EFHB: variants seen among roughly 807,000 people sequenced by gnomAD.
The protein encoded by EFHB is EF-hand domain family member B, also known as EF-hand domain-containing family member B.
Under a neutral mutation model 87.2 loss-of-function variants are expected in EFHB, and 91 were observed. The observed-to-expected ratio is 1.04, with a 90% CI of 0.88 to 1.24. The LOEUF (loss-of-function observed/expected upper bound fraction) is 1.24, where lower values mean the gene tolerates loss of function less well. EFHB is among the 50% of genes most tolerant of loss of function. The pLI is 0.00. For missense variants in EFHB, 1,084 were observed against 998.8 expected (o/e 1.09, Z -1.15); for synonymous variants, 325 against 333.6 (o/e 0.97, Z 0.28).
chr3:19,880,504 G>A (rs192775050), intron 12 of EFHB, among the ~76,000 whole-genome samples: 6 of 151,962 alleles, frequency 3.9e-5, no homozygotes, highest in Admixed American at 6.6e-5. Flanking sequence ...CACCCATCTC[G>A]GCCTCCCAAA....
rs116499029 is a variant in EFHB, at chr3:19,906,328, C to G, written c.1289-579G>C. On this transcript the variant is annotated intron_variant, in intron 5 of 12. Coordinates refer to ENST00000295824, the MANE Select transcript of EFHB (RefSeq NM_144715.4). Reference sequence around the variant, plus strand: ...TGGGCAACAGAGTGAGGCTCTTTCTCAAAAAACAAAAGAACTAATAAGTGA... The same window carrying G: ...TGGGCAACAGAGTGAGGCTCTTTCTGAAAAAACAAAAGAACTAATAAGTGA... Among the ~76,000 whole-genome samples the G allele has an allele frequency of 9.8e-3, 1,484 of 151,946 alleles. 28 individuals are homozygous for G. Among genetic ancestry groups the G allele is most frequent in the African/African-American group, 0.034 (1,399 of 41,448 alleles).
chr3:19,926,337 GT>G (rs58986216), intron 1 of EFHB, among the ~76,000 whole-genome samples: 92,020 of 151,816 alleles, frequency 0.61, 28,245 homozygotes, highest in Non-Finnish European at 0.65. Flanking sequence ...TTTTTTTGGG[GT>G]TTTTTTTGTT....
chr3:19,905,310 T>C (rs543282882), intron 6 of EFHB, among the ~76,000 whole-genome samples: 31 of 152,156 alleles, frequency 2.0e-4, no homozygotes, highest in Non-Finnish European at 3.1e-4. Flanking sequence ...GTTTTGAAAG[T>C]CCATTATATT....
chr3:19,888,781 A>T, intron 9 of EFHB, 130 bp from the exon 10 acceptor site: 1 of 771,404 alleles, frequency 1.3e-6, no homozygotes, highest in Non-Finnish European at 2.0e-6. Context: ...ATTTTCACAG[A>T]AGAGGAGTCA....
chr3:19,901,691 G>A (rs1694676953), intron 6 of EFHB, among the ~76,000 whole-genome samples: 1 of 152,110 alleles, frequency 6.6e-6, no homozygotes, highest in African/African-American at 2.4e-5. Flanking sequence ...GCTCACACCT[G>A]TAATCCCAGC....
chr3:19,923,470 C>G (rs1695509718), intron 1 of EFHB, among the ~76,000 whole-genome samples: 1 of 152,128 alleles, frequency 6.6e-6, no homozygotes, highest in Non-Finnish European at 1.5e-5. Flanking sequence ...TCACTGCAAC[C>G]TCTACCATCC....
Position 19,879,730 on chromosome 3 carries a change from T to A in EFHB, c.2403A>T (p.Ser801=). The A allele has an allele frequency of 1.2e-6, 2 of 1,611,044 alleles. No individual in the cohort carries two copies. The highest frequency in any genetic ancestry group is 1.7e-6 in the Non-Finnish European group (2 of 1,179,214). ...EEFENVWNLA[S]KKHHRGEVCV... ...AAACTTCTCCTCTGTGATGCTTTTT[T>A]GATGCAAGATTCCATACATTTTCAA... The change falls in exon 13 of 13, where the codon TCA becomes TCT. Residue 801 remains serine, a synonymous_variant. Coordinates refer to ENST00000295824, the MANE Select transcript of EFHB (RefSeq NM_144715.4).
intron 1 of EFHB, among the ~76,000 whole-genome samples, chr3:19,927,805 C>T (rs1695682057): frequency 6.6e-6 from 1 of 152,086 alleles, no homozygotes; most frequent in Non-Finnish European, 1.5e-5. Context: ...GCATCAAATA[C>T]TTTACCATCC....
At chr3:19,916,149 GT>G (rs1695223049) in intron 4 of EFHB, among the ~76,000 whole-genome samples, 1 of 152,310 alleles carries the variant, frequency 6.6e-6, no homozygotes, top group African/African-American at 2.4e-5. Flanking sequence ...CTAATGCCCT[GT>G]GGGGTAGCCA....
chr3:19,942,435 G>C (rs535911074), intron 1 of EFHB: 4 of 152,438 alleles, frequency 2.6e-5, no homozygotes, highest in South Asian at 2.1e-4. Flanking sequence ...TAACAGAGCA[G>C]CTGTCCCCAA....
At chr3:19,900,150 A>G (rs1427992758) in intron 6 of EFHB, among the ~76,000 whole-genome samples, 1 of 152,190 alleles carries the variant, frequency 6.6e-6, no homozygotes, top group Non-Finnish European at 1.5e-5. Flanking sequence ...ACAGTGGTTC[A>G]TGCCTGTAAT....
intron 11 of EFHB, among the ~76,000 whole-genome samples, chr3:19,882,969 C>T (rs2071718769): frequency 6.6e-6 from 1 of 151,640 alleles, no homozygotes; most frequent in Non-Finnish European, 1.5e-5. Context: ...ATTAATTTCA[C>T]CTGTTTCTTT....
chr3:19,939,115 C>T (rs1696089124), upstream of EFHB, among the ~76,000 whole-genome samples: 1 of 152,026 alleles, frequency 6.6e-6, no homozygotes, highest in South Asian at 2.1e-4. Context: ...CCATGTTGGT[C>T]AGGCTGGTCT....
Position 19,934,028 on chromosome 3 carries a change from C to G in EFHB, c.-10G>C, listed in dbSNP as rs1695934753. 1.3e-6 allele frequency: 2 copies of G among 1,581,302 alleles called. No individual in the cohort carries two copies. Among genetic ancestry groups the G allele is most frequent in the Non-Finnish European group, 1.7e-6 (2 of 1,163,024 alleles). ...CAATCTCCATGTTCATGGACGATTT[C>G]TCCCCATTCTCATTTCTCCAAGAGC... On this transcript the variant is annotated 5_prime_UTR_variant, in exon 1 of 13. Coordinates refer to ENST00000295824, the MANE Select transcript of EFHB (RefSeq NM_144715.4).
At chr3:19,922,006 A>T (rs1695453889) in intron 1 of EFHB, among the ~76,000 whole-genome samples, 1 of 152,078 alleles carries the variant, frequency 6.6e-6, no homozygotes, top group Admixed American at 6.6e-5. Flanking sequence ...CCCTTCTAAA[A>T]ATACAAAAAT....
chr3:19,896,619 T>G, intron 9 of EFHB, 68 bp downstream of exon 9: 8 of 1,556,482 alleles, frequency 5.1e-6, no homozygotes, highest in Non-Finnish European at 6.1e-6. Context: ...TGCTGACCCC[T>G]GATCTACACC....
At chr3:19,936,905 AAATAAAT>A (rs1280318432), upstream of EFHB, among the ~76,000 whole-genome samples, 3 of 150,550 alleles carry the variant, frequency 2.0e-5, no homozygotes, top group Non-Finnish European at 3.0e-5. Context: ...ATAAATAAAT[AAATAAAT>A]AAAAAGTGAG....
At chr3:19,918,036 T>G (rs1274116558) in intron 4 of EFHB, among the ~76,000 whole-genome samples, 196 bp downstream of exon 4, 1 of 152,200 alleles carries the variant, frequency 6.6e-6, no homozygotes, top group Admixed American at 6.5e-5. Flanking sequence ...AATACCTGAA[T>G]TTTTCCTGCC....
chr3:19,934,298 CTT>C, upstream of EFHB: 1 of 1,319,226 alleles, frequency 7.6e-7, no homozygotes, highest in Non-Finnish European at 9.7e-7. Flanking sequence ...ATCTCTCATT[CTT>C]CTCTCTCTCT....
Sources: gnomAD v4.1 joint callset for allele counts (sites outside exome capture counted in the v4.1 genomes callset) on GRCh38, gnomAD v4.1.1 for gene constraint, MANE v1.5 for transcripts, NCBI Gene and HGNC (gene_info 2026-07-23, HGNC 2026-07-21) for gene names.